PFKFB1: variants seen among roughly 807,000 people sequenced by gnomAD.
The protein encoded by PFKFB1 is 6-phosphofructo-2-kinase/fructose-2,6-biphosphatase 1.
PFKFB1 carries 34 observed loss-of-function variants against 46.4 expected under a neutral mutation model. That is an observed-to-expected ratio of 0.73 (90% CI 0.56 to 0.98). The LOEUF (loss-of-function observed/expected upper bound fraction) is 0.98. PFKFB1 is among the 50% of genes least tolerant of loss of function. PFKFB1 has a pLI of 0.00. For synonymous variants in PFKFB1, 119 were observed against 133.8 expected (o/e 0.89, Z 0.76); for missense variants, 393 against 376.3 (o/e 1.04, Z -0.37).
intron 1 of PFKFB1, among the ~76,000 whole-genome samples, chrX:54,967,113 A>T (rs1934499226): frequency 8.9e-6 from 1 of 111,883 alleles, no homozygotes; most frequent in Non-Finnish European, 1.9e-5. Flanking sequence ...TAAAACAAAA[A>T]TATAGACCTT....
chrX:54,948,555 A>G (rs1454270168), intron 9 of PFKFB1, among the ~76,000 whole-genome samples: 1 of 111,959 alleles, frequency 8.9e-6, no homozygotes, highest in Non-Finnish European at 1.9e-5. Context: ...TTTTCTTCAG[A>G]TCTCACTATT....
intron 2 of PFKFB1, among the ~76,000 whole-genome samples, chrX:54,962,621 G>C (rs1934350177): frequency 8.9e-6 from 1 of 112,058 alleles, no homozygotes; most frequent in African/African-American, 3.2e-5. Flanking sequence ...GGAAGGAAGA[G>C]GGGGAGAGAT....
intron 10 of PFKFB1, among the ~76,000 whole-genome samples, chrX:54,941,210 C>T (rs757170310): frequency 6.9e-4 from 77 of 111,957 alleles, no homozygotes; most frequent in African/African-American, 2.3e-3. Context: ...TGAAACTGGA[C>T]CCCTTCCTTA....
chrX:54,979,322 A>T (rs184246238), intron 1 of PFKFB1, among the ~76,000 whole-genome samples: 86 of 111,470 alleles, frequency 7.7e-4, no homozygotes, highest in Non-Finnish European at 4.2e-4. Flanking sequence ...TGTTTTTAGA[A>T]AAGGATCTTA....
chrX:54,968,650 C>T (rs1299284829), intron 1 of PFKFB1, among the ~76,000 whole-genome samples: 1 of 111,103 alleles, frequency 9.0e-6, no homozygotes, highest in Non-Finnish European at 1.9e-5. Context: ...AAAGAACAAA[C>T]TGGCAAACCT....
At chrX:54,990,384 T>C (rs1031484547) in intron 1 of PFKFB1, among the ~76,000 whole-genome samples, 2 of 111,000 alleles carry the variant, frequency 1.8e-5, no homozygotes, top group Non-Finnish European at 3.8e-5. Context: ...ACAAAATAAA[T>C]TTGAAAACTA....
At chrX:54,989,936 A>T (rs964796731) in intron 1 of PFKFB1, among the ~76,000 whole-genome samples, 1 of 111,581 alleles carries the variant, frequency 9.0e-6, no homozygotes, top group Admixed American at 9.6e-5. Flanking sequence ...AGACTAAAAA[A>T]GCCTGGGAGA....
intron 2 of PFKFB1, 86 bp downstream of exon 2, chrX:54,963,171 A>G: frequency 1.1e-6 from 1 of 898,489 alleles, no homozygotes; most frequent in South Asian, 2.2e-5. Context: ...CATTTCTGGT[A>G]TTGAGGACTT....
intron 2 of PFKFB1, among the ~76,000 whole-genome samples, chrX:54,962,118 G>A (rs763121175): frequency 1.8e-5 from 2 of 110,888 alleles, no homozygotes; most frequent in Non-Finnish European, 3.8e-5. Context: ...TGAGAGAATT[G>A]AGTGAAGAAG....
intron 1 of PFKFB1, among the ~76,000 whole-genome samples, chrX:54,981,361 G>A (rs1318252775): frequency 9.0e-6 from 1 of 111,640 alleles, no homozygotes; most frequent in African/African-American, 3.2e-5. Context: ...TACCTAATGA[G>A]TAACAATTAG....
chrX:54,970,662 G>C (rs1323941887), intron 1 of PFKFB1, among the ~76,000 whole-genome samples: 1 of 39,551 alleles, frequency 2.5e-5, no homozygotes, highest in Non-Finnish European at 4.3e-5. Flanking sequence ...CAAAGGACAT[G>C]AACTCATCAT....
intron 1 of PFKFB1, among the ~76,000 whole-genome samples, chrX:54,988,392 T>C (rs889863887): frequency 9.0e-6 from 1 of 111,624 alleles, no homozygotes; most frequent in African/African-American, 3.2e-5. Flanking sequence ...ATTGTTAAGA[T>C]GGTAATATTC....
intron 13 of PFKFB1, 109 bp from the exon 14 acceptor site, chrX:54,933,571 G>T (rs1460191941): frequency 3.0e-6 from 2 of 672,472 alleles, no homozygotes; most frequent in African/African-American, 2.2e-5. Flanking sequence ...GCCAGGCCCG[G>T]ATCCTGACCC....
intron 1 of PFKFB1, among the ~76,000 whole-genome samples, chrX:54,986,848 T>C (rs1480939906): frequency 1.8e-5 from 2 of 111,166 alleles, no homozygotes; most frequent in Non-Finnish European, 3.8e-5. Flanking sequence ...CCAATCATAA[T>C]GGAGTAAAAT....
intron 1 of PFKFB1, among the ~76,000 whole-genome samples, chrX:54,988,745 A>G (rs1163927464): frequency 3.6e-5 from 4 of 111,876 alleles, no homozygotes; most frequent in African/African-American, 1.3e-4. Context: ...GGGAAAGAAG[A>G]GTCTTTTCAA....
chrX:54,971,903 C>T (rs1387362321), intron 1 of PFKFB1, among the ~76,000 whole-genome samples: 27 of 111,475 alleles, frequency 2.4e-4, no homozygotes, highest in Admixed American at 8.5e-4. Context: ...ATGGGGATGG[C>T]ATTGAATCTA....
chrX:54,987,111 T>C (rs778289653), intron 1 of PFKFB1, among the ~76,000 whole-genome samples: 1 of 110,856 alleles, frequency 9.0e-6, no homozygotes, highest in Admixed American at 9.6e-5. Context: ...AGAGGAGACA[T>C]TACTACTGAC....
At chrX:54,945,417 T>C (rs962892872) in intron 10 of PFKFB1, 22 bp downstream of exon 10, 1 of 994,657 alleles carries the variant, frequency 1.0e-6, no homozygotes, top group Admixed American at 2.3e-5. Context: ...TCCTAGGCAT[T>C]AGGCCACCCC....
intron 9 of PFKFB1, among the ~76,000 whole-genome samples, 178 bp from the exon 10 acceptor site, chrX:54,945,721 CGTGTGTGTGTGTGT>C (rs779266579): frequency 1.6e-4 from 14 of 88,733 alleles, no homozygotes; most frequent in African/African-American, 5.6e-4. Context: ...TGTGTGTGTG[CGTGTGTGTGTGTGT>C]GTGTGTGTGA....
Sources: gnomAD v4.1 joint callset for allele counts (sites outside exome capture counted in the v4.1 genomes callset) on GRCh38, gnomAD v4.1.1 for gene constraint, MANE v1.5 for transcripts, NCBI Gene and HGNC (gene_info 2026-07-23, HGNC 2026-07-21) for gene names.